The following SNTG2 variants were observed in gnomAD, a reference collection of about 807,000 sequenced individuals.
The protein encoded by SNTG2 is syntrophin gamma 2.
Under a neutral mutation model 70.9 loss-of-function variants are expected in SNTG2, and 74 were observed. The observed-to-expected ratio is 1.04, with a 90% CI of 0.86 to 1.27. The LOEUF (loss-of-function observed/expected upper bound fraction) is 1.27, where lower values mean the gene tolerates loss of function less well. Among genes scored for constraint, SNTG2 ranks in the 50% most tolerant of loss-of-function variants. The pLI is 0.00. For missense variants in SNTG2, 717 were observed against 690.7 expected, an observed-to-expected ratio of 1.04 and a Z score of -0.43; for synonymous variants, 278 against 273.8, an observed-to-expected ratio of 1.02 and a Z score of -0.15.
intron 1 of SNTG2, among the ~76,000 whole-genome samples, chr2:1,034,800 A>AT (rs1209590022): frequency 1.3e-5 from 2 of 152,218 alleles, no homozygotes; most frequent in African/African-American, 4.8e-5. Context: ...CACTGATAGT[A>AT]TTAGATCATT....
chr2:1,014,670 GAA>G (rs1659826705), intron 1 of SNTG2, among the ~76,000 whole-genome samples: 1 of 148,964 alleles, frequency 6.7e-6, no homozygotes, highest in African/African-American at 2.5e-5. Context: ...TGGGCAGAGA[GAA>G]GGGTGGTCTG....
chr2:972,343 G>C (rs1444004700), intron 1 of SNTG2, among the ~76,000 whole-genome samples: 2 of 152,286 alleles, frequency 1.3e-5, no homozygotes, highest in East Asian at 3.9e-4. Context: ...ATTTAGCATA[G>C]TTAAGTCTCC....
intron 1 of SNTG2, among the ~76,000 whole-genome samples, chr2:985,940 G>A (rs542150827): frequency 6.6e-6 from 1 of 152,222 alleles, no homozygotes; most frequent in African/African-American, 2.4e-5. Flanking sequence ...ACTGTGTTTG[G>A]AGACCCAACC....
chr2:1,247,356 A>G lies in SNTG2; in HGVS notation c.918A>G (p.Lys306=). The change falls in exon 12 of 17, where the codon AAA becomes AAG. Residue 306 remains lysine (K), a synonymous_variant. Transcript: ENST00000308624. ...TGCATATGGGGTGGGTAAATGAGAA[A>G]CTCCAAGGAGCTGACTCCTCTCAAA... ...QVVHMGWVNE[K]LQGADSSQTF... The G allele has an allele frequency of 6.2e-7, 1 of 1,613,584 alleles. No individual in the cohort carries two copies. Among genetic ancestry groups the G allele is most frequent in the Non-Finnish European group, 8.5e-7 (1 of 1,179,762 alleles).
intron 11 of SNTG2, among the ~76,000 whole-genome samples, chr2:1,241,122 A>G (rs1677018717): frequency 6.6e-6 from 1 of 152,174 alleles, no homozygotes; most frequent in Non-Finnish European, 1.5e-5. Flanking sequence ...AAAATTAGCA[A>G]AATGTTTCCT....
chr2:1,218,968 G>C (rs1342356736), intron 9 of SNTG2, among the ~76,000 whole-genome samples: 2 of 152,224 alleles, frequency 1.3e-5, no homozygotes, highest in African/African-American at 4.8e-5. Flanking sequence ...ATTTTTAATT[G>C]TGATGCGGTT....
At chr2:1,025,188 T>C (rs545296231) in intron 1 of SNTG2, among the ~76,000 whole-genome samples, 3 of 152,258 alleles carry the variant, frequency 2.0e-5, no homozygotes, top group African/African-American at 7.2e-5. Context: ...GTCTGAGTAG[T>C]GCTTGAGCAG....
At chr2:1,271,275 C>T (rs890607745) in intron 14 of SNTG2, among the ~76,000 whole-genome samples, 3 of 152,136 alleles carry the variant, frequency 2.0e-5, no homozygotes, top group African/African-American at 7.2e-5. Context: ...AATCTTCAAA[C>T]TGTTTTTACA....
At chr2:1,020,007 C>T (rs1018962145) in intron 1 of SNTG2, among the ~76,000 whole-genome samples, 1 of 152,192 alleles carries the variant, frequency 6.6e-6, no homozygotes, top group Non-Finnish European at 1.5e-5. Context: ...CGTGCCACTG[C>T]ACTCCAGCTT....
intron 1 of SNTG2, among the ~76,000 whole-genome samples, chr2:992,024 TGCAGATGAA>T (rs1210819221): frequency 6.6e-6 from 1 of 151,882 alleles, no homozygotes; most frequent in African/African-American, 2.4e-5. Flanking sequence ...AGGCATGTGA[TGCAGATGAA>T]GGAAATAACA....
At chr2:1,323,450 T>C (rs1484535884) in intron 16 of SNTG2, among the ~76,000 whole-genome samples, 2 of 146,426 alleles carry the variant, frequency 1.4e-5, no homozygotes, top group Non-Finnish European at 3.0e-5. Context: ...TGGCTCACAG[T>C]CACATGCCTG....
At chr2:1,311,063 C>T (rs1485706054) in intron 15 of SNTG2, among the ~76,000 whole-genome samples, 2 of 152,140 alleles carry the variant, frequency 1.3e-5, no homozygotes, top group Non-Finnish European at 2.9e-5. Context: ...GCCGGCGGTC[C>T]GGGGGCATCT....
At chr2:1,067,334 G>A (rs776620736) in intron 1 of SNTG2, among the ~76,000 whole-genome samples, 26 of 151,846 alleles carry the variant, frequency 1.7e-4, no homozygotes, top group Non-Finnish European at 3.1e-4. Context: ...GTCATAGTTA[G>A]TACTTCACAT....
chr2:1,323,151 A>G (rs969572937), intron 16 of SNTG2, among the ~76,000 whole-genome samples: 23 of 152,314 alleles, frequency 1.5e-4, no homozygotes, highest in Admixed American at 8.5e-4. Context: ...GAGTTGACCT[A>G]AGGAGAGGTA....
chr2:1,199,389 A>G (rs148055880), intron 8 of SNTG2, among the ~76,000 whole-genome samples: 2 of 152,110 alleles, frequency 1.3e-5, no homozygotes, highest in East Asian at 3.9e-4. Flanking sequence ...ATAAGGTCAT[A>G]TATGACAGGC....
chr2:1,243,717 G>A (rs1482522336), intron 11 of SNTG2, among the ~76,000 whole-genome samples: 1 of 152,180 alleles, frequency 6.6e-6, no homozygotes, highest in East Asian at 1.9e-4. Flanking sequence ...GCATGATTAA[G>A]TGTTTCGTGA....
intron 1 of SNTG2, among the ~76,000 whole-genome samples, chr2:1,073,280 AC>A (rs1663694519): frequency 6.6e-6 from 1 of 152,218 alleles, no homozygotes; most frequent in Admixed American, 6.5e-5. Context: ...TCTATGTGGC[AC>A]ACTTCAATGT....
At chr2:1,303,577 C>T (rs998428112) in intron 14 of SNTG2, among the ~76,000 whole-genome samples, 1 of 152,062 alleles carries the variant, frequency 6.6e-6, no homozygotes, top group Non-Finnish European at 1.5e-5. Flanking sequence ...CCTCAATAAA[C>T]TAGAAACAAT....
At chr2:1,215,209 T>G (rs28790948) in intron 9 of SNTG2, among the ~76,000 whole-genome samples, 27,577 of 152,140 alleles carry the variant, frequency 0.18, 4,964 homozygotes, top group African/African-American at 0.47. Flanking sequence ...TCTTGTAAGG[T>G]TCTCATCTGG....
Sources: gnomAD v4.1 joint callset for allele counts (sites outside exome capture counted in the v4.1 genomes callset) on GRCh38, gnomAD v4.1.1 for gene constraint, MANE v1.5 for transcripts, NCBI Gene and HGNC (gene_info 2026-07-23, HGNC 2026-07-21) for gene names.